The following CARD18 variants were observed in gnomAD, a reference collection of about 807,000 sequenced individuals.
CARD18 encodes the protein caspase recruitment domain family member 18, also known as caspase recruitment domain-containing protein 18.
CARD18 carries 7 observed loss-of-function variants against 7.9 expected under a neutral mutation model. The ratio of observed to expected loss-of-function variants is 0.88; its 90% CI spans 0.50 to 1.66. The LOEUF (loss-of-function observed/expected upper bound fraction) is 1.66, where lower values mean the gene tolerates loss of function less well. CARD18 is among the 40% of genes most tolerant of loss of function. The pLI is 0.00. For missense variants in CARD18, 134 were observed against 105.5 expected, an observed-to-expected ratio of 1.27 and a Z score of -1.18; for synonymous variants, 34 against 34.8, an observed-to-expected ratio of 0.98 and a Z score of 0.08.
chr11:105,139,588 G>T, intron 1 of CARD18, 132 bp downstream of exon 1: 3 of 922,340 alleles, frequency 3.3e-6, no homozygotes, highest in South Asian at 3.1e-5. Flanking sequence ...TTCCCACCCT[G>T]CCTCTCCCTT....
chr11:105,138,783 G>T (rs778406716), intron 2 of CARD18, 29 bp downstream of exon 2: 4 of 1,608,302 alleles, frequency 2.5e-6, no homozygotes, highest in Non-Finnish European at 3.4e-6. Context: ...GGGCCTATTT[G>T]GACATTAGGT....
rs200935446 is a variant in CARD18 at position 105,139,751 on chromosome 11, T to C, written c.-25A>G. On this transcript the variant is annotated 5_prime_UTR_variant, in exon 1 of 3. Coordinates refer to ENST00000530950, the MANE Select transcript of CARD18 (RefSeq NM_021571.4). ...TGGCTCCTCACGTTGGCACTTGCAA[T>C]GTGTGTTACACTTGCAATGACAGGC... 1.9e-3 allele frequency: 3,021 copies of C among 1,598,448 alleles called. 2 individuals are homozygous for C. The highest frequency in any genetic ancestry group is 2.4e-3 in the Non-Finnish European group (2,840 of 1,178,954).
Position 105,139,031 on chromosome 11 carries a change from C to T in CARD18, c.55G>A (p.Ala19Thr), listed in dbSNP as rs764568939. The T allele has an allele frequency of 1.4e-5, 22 of 1,613,392 alleles. No homozygotes were observed. Among genetic ancestry groups the T allele is most frequent in the Non-Finnish European group, 1.8e-5 (21 of 1,179,626 alleles). ...TCCAGCAAGGCATTTATTGTGCCTGCACCCACTGAATGGATAAAAATTCTT... is the reference window on the plus strand; with the variant it reads ...TCCAGCAAGGCATTTATTGTGCCTGTACCCACTGAATGGATAAAAATTCTT... ...KRRIFIHSVG[A>T]GTINALLDCL... is the part of the protein sequence containing the mutation. The change falls in exon 2 of 3, where the codon GCA (alanine) becomes ACA (threonine). Residue 19 changes from alanine (A) to threonine (T), a missense_variant. Coordinates refer to ENST00000530950, the MANE Select transcript of CARD18 (RefSeq NM_021571.4).
intron 1 of CARD18, 50 bp from the exon 2 acceptor site, chr11:105,139,128 C>G: frequency 6.4e-7 from 1 of 1,571,582 alleles, no homozygotes; most frequent in Non-Finnish European, 8.6e-7. Context: ...CACAATTTCC[C>G]TCTCAATTTA....
rs761466239 is a variant in CARD18 at position 105,138,835 on chromosome 11, G to A, written c.251C>T (p.Ala84Val). 22 of 1,613,484 alleles carry A rather than the reference G, an allele frequency of 1.4e-5. No individual in the cohort carries two copies. The highest frequency in any genetic ancestry group is 1.9e-5 in the Non-Finnish European group (22 of 1,179,642). Residue 84 changes from alanine to valine, a missense_variant, in exon 2 of 3, where the codon GCC becomes GTC. Ala to Val is a moderately conservative substitution (Grantham distance 64, BLOSUM62 0). Transcript: ENST00000530950. ...ACCTTAGTGCAAACCCATCTTTGAG[G>A]CAAGTTGAGGGTCTTCTTCACAGAG... ...KHLCEEDPQL[A>V]SKMGLH is the part of the protein sequence containing the mutation.
chr11:105,139,179 T>A, intron 1 of CARD18, 101 bp from the exon 2 acceptor site: 6 of 1,308,190 alleles, frequency 4.6e-6, no homozygotes, highest in Non-Finnish European at 6.3e-6. Context: ...TCTCCACAAG[T>A]ACAGTAATCC....
At chr11:105,139,130 C>T in intron 1 of CARD18, 52 bp from the exon 2 acceptor site, 1 of 1,560,976 alleles carries the variant, frequency 6.4e-7, no homozygotes, top group Non-Finnish European at 8.7e-7. Flanking sequence ...CAATTTCCCT[C>T]TCAATTTACC....
At position 105,139,738 on chromosome 11, in the gene CARD18, T is replaced by C. The variant is rs754570477; in HGVS notation, c.-12A>G. 2 of 1,598,846 alleles carry C rather than the reference T, an allele frequency of 1.3e-6. No homozygotes were observed. Among genetic ancestry groups the C allele is most frequent in the Admixed American group, 1.7e-5 (1 of 59,956 alleles). Reference sequence around the variant, plus strand: ...GACTCACCAGCCATGGCTCCTCACGTTGGCACTTGCAATGTGTGTTACACT... The same window carrying C: ...GACTCACCAGCCATGGCTCCTCACGCTGGCACTTGCAATGTGTGTTACACT... On this transcript the variant is annotated 5_prime_UTR_variant, in exon 1 of 3. Transcript: ENST00000530950.
chr11:105,139,147 G>T (rs1261189941), intron 1 of CARD18, 69 bp from the exon 2 acceptor site: 2 of 1,506,650 alleles, frequency 1.3e-6, no homozygotes, highest in Non-Finnish European at 1.8e-6. Flanking sequence ...TACCAACAGG[G>T]TAACAATCAT....
intron 1 of CARD18, 62 bp from the exon 2 acceptor site, chr11:105,139,140 C>A: frequency 2.0e-6 from 3 of 1,531,836 alleles, no homozygotes; most frequent in South Asian, 2.4e-5. Context: ...CTCAATTTAC[C>A]AACAGGGTAA....
At position 105,139,258 on chromosome 11, in the gene CARD18, T is replaced by C. The variant is rs1591255295; in HGVS notation, c.8-180A>G. Reference sequence around the variant, plus strand: ...TTCTGATTCTAGCATTACCTACATATGCTCACTGAGTGACCTGGGAAACTT... The same window carrying C: ...TTCTGATTCTAGCATTACCTACATACGCTCACTGAGTGACCTGGGAAACTT... On this transcript the variant is annotated intron_variant, in intron 1 of 2. Coordinates refer to ENST00000530950, the MANE Select transcript of CARD18 (RefSeq NM_021571.4). 5 of 648,096 alleles carry C rather than the reference T, an allele frequency of 7.7e-6. No homozygotes were observed. The East Asian group carries it at 1.4e-4, about 18-fold the overall frequency. 40.1% of individuals were successfully genotyped at this position (648,096 alleles called of 1,614,324 possible).
intron 2 of CARD18, among the ~76,000 whole-genome samples, 171 bp downstream of exon 2, chr11:105,138,641 A>C (rs1865435175): frequency 6.6e-6 from 1 of 152,164 alleles, no homozygotes; most frequent in African/African-American, 2.4e-5. Context: ...TACAAGGGAC[A>C]CAAAAACGTA....
rs968817658 is a variant in CARD18 at position 105,139,035 on chromosome 11, C to T, written c.51G>A (p.Val17=). ...GCAAGGCATTTATTGTGCCTGCACC[C>T]ACTGAATGGATAAAAATTCTTCTCT... ...RKKRRIFIHS[V]GAGTINALLD... Residue 17 remains valine (V), a synonymous_variant, in exon 2 of 3, where the codon GTG becomes GTA. Transcript: ENST00000530950. The T allele has an allele frequency of 1.2e-6, 2 of 1,613,456 alleles. No individual in the cohort carries two copies. The highest frequency in any genetic ancestry group is 1.7e-4 in the Middle Eastern group (1 of 6,054).
chr11:105,139,608 C>T (rs1343966187), intron 1 of CARD18, 112 bp downstream of exon 1: 2 of 1,184,140 alleles, frequency 1.7e-6, no homozygotes, highest in Non-Finnish European at 2.4e-6. Flanking sequence ...TCTTCTTTCT[C>T]TCTCCACCCC....
At position 105,138,842 on chromosome 11, in the gene CARD18, G is replaced by A; in HGVS notation, c.244C>T (p.Gln82Ter). ...TGCAAACCCATCTTTGAGGCAAGTT[G>A]AGGGTCTTCTTCACAGAGATGCTTG... ...FIKHLCEEDPQLASKMGLH is the reference protein window; with the variant it reads ...FIKHLCEEDP The change falls in exon 2 of 3, where the codon CAA becomes TAA. Residue 82 changes from glutamine to a stop codon, truncating the protein, a stop_gained. Coordinates refer to ENST00000530950, the MANE Select transcript of CARD18 (RefSeq NM_021571.4). LOFTEE classifies it high-confidence loss of function. 1 of 1,613,682 alleles carries A rather than the reference G, an allele frequency of 6.2e-7. No individual in the cohort carries two copies. The highest frequency in any genetic ancestry group is 8.5e-7 in the Non-Finnish European group (1 of 1,179,668).
rs1158655631 is a variant in CARD18, at chr11:105,138,106, G to C, written c.*2-8C>G. ...CAGAGTTCCATCTTCTCTCTGTGGA[G>C]GGAGAAAAGTGGTATTGGAATGGGC... is the stretch of plus-strand genomic sequence containing the variant. On this transcript the variant is annotated splice_region_variant and splice_polypyrimidine_tract_variant and intron_variant, in intron 2 of 2. Coordinates refer to ENST00000530950, the MANE Select transcript of CARD18 (RefSeq NM_021571.4). 6.6e-6 allele frequency: 1 copy of C among 152,038 alleles called. No individual in the cohort carries two copies. Among genetic ancestry groups the C allele is most frequent in the Non-Finnish European group, 1.5e-5 (1 of 68,026 alleles). The allele number at this position is 152,038 out of a possible 1,614,324, so 9.4% of individuals were successfully genotyped here.
chr11:105,138,921 T>A lies in CARD18; in HGVS notation c.165A>T (p.Arg55=). The A allele has an allele frequency of 6.2e-7, 1 of 1,613,776 alleles. No homozygotes were observed. Reference sequence around the variant, plus strand: ...TTCCAGTAACAAGGTCAATCAAGACTCGAGCCTTATCCATGACAGTGTCAT... The same window carrying A: ...TTCCAGTAACAAGGTCAATCAAGACACGAGCCTTATCCATGACAGTGTCAT... ...DENDTVMDKA[R]VLIDLVTGKG... Residue 55 remains arginine, a synonymous_variant, in exon 2 of 3, where the codon CGA becomes CGT. Coordinates refer to ENST00000530950, the MANE Select transcript of CARD18 (RefSeq NM_021571.4).
chr11:105,138,893 C>A lies in CARD18; in HGVS notation c.193G>T (p.Gly65Ter), dbSNP rs1865438948. The change falls in exon 2 of 3, where the codon GGA (glycine) becomes TGA (stop). Residue 65 changes from glycine (G) to a stop codon, truncating the protein, a stop_gained. Coordinates refer to ENST00000530950, the MANE Select transcript of CARD18 (RefSeq NM_021571.4). LOFTEE classifies it high-confidence loss of function. ...RVLIDLVTGK[G>*]PKSCCKFIKH... Reference sequence around the variant, plus strand: ...ATAAATTTGCAGCAAGACTTGGGTCCTTTTCCAGTAACAAGGTCAATCAAG... The same window carrying A: ...ATAAATTTGCAGCAAGACTTGGGTCATTTTCCAGTAACAAGGTCAATCAAG... The A allele has an allele frequency of 6.2e-7, 1 of 1,613,588 alleles. No individual in the cohort carries two copies. The highest frequency in any genetic ancestry group is 8.5e-7 in the Non-Finnish European group (1 of 1,179,712).
rs1296441487 is a variant in CARD18 at position 105,139,007 on chromosome 11, C to T, written c.79G>A (p.Asp27Asn). The T allele has an allele frequency of 1.9e-6, 3 of 1,613,656 alleles. No homozygotes were observed. Among genetic ancestry groups the T allele is most frequent in the African/African-American group, 2.7e-5 (2 of 75,028 alleles). ...VGAGTINALL[D>N]CLLEDEVISQ... ...ATAACTTCATCCTCTAATAGGCAAT[C>T]CAGCAAGGCATTTATTGTGCCTGCA... Residue 27 changes from aspartate to asparagine, a missense_variant, in exon 2 of 3, where the codon GAT (aspartate) becomes AAT (asparagine). Transcript: ENST00000530950.
Sources: allele counts gnomAD v4.1 joint callset (sites outside exome capture counted in the v4.1 genomes callset), GRCh38; gene constraint gnomAD v4.1.1; transcripts MANE v1.5; gene names NCBI Gene and HGNC (gene_info 2026-07-23, HGNC 2026-07-21).